Variants in FBXW4 observed in about 807,000 individuals in gnomAD.
FBXW4 encodes the protein F-box/WD repeat-containing protein 4.
FBXW4 carries 40 observed loss-of-function variants against 61.8 expected under a neutral mutation model. The ratio of observed to expected loss-of-function variants is 0.65; its 90% CI spans 0.50 to 0.84. The LOEUF (loss-of-function observed/expected upper bound fraction) is 0.84, where lower values mean the gene tolerates loss of function less well. FBXW4 is among the 40% of genes least tolerant of loss of function. The pLI is 0.00. For missense variants in FBXW4, 672 were observed against 753.8 expected, an observed-to-expected ratio of 0.89 and a Z score of 1.27; for synonymous variants, 311 against 313.8, an observed-to-expected ratio of 0.99 and a Z score of 0.10.
chr10:101,641,635 A>AC (rs1353940524), intron 5 of FBXW4, among the ~76,000 whole-genome samples: 32 of 24,096 alleles, frequency 1.3e-3, no homozygotes, highest in South Asian at 2.5e-3. Flanking sequence ...TTTTCTCAAA[A>AC]AAAAACAAAA....
rs555690190 is a variant in FBXW4 at position 101,665,218 on chromosome 10, G to A, written c.1235+2668C>T. Among the ~76,000 whole-genome samples, 109 of 152,180 alleles carry A rather than the reference G, an allele frequency of 7.2e-4. 1 individual carries two copies. In the Middle Eastern group the frequency reaches 0.01, roughly 14 times the overall value. On this transcript the variant is annotated intron_variant, in intron 5 of 8. Transcript: ENST00000331272. ...GAGAAAAAGAGGCAGAGATAACACCGGCATACACTCTGGTCATCTAGTGTA... is the reference window on the plus strand; with the variant it reads ...GAGAAAAAGAGGCAGAGATAACACCAGCATACACTCTGGTCATCTAGTGTA...
chr10:101,675,510 C>A (rs569017251), intron 2 of FBXW4, among the ~76,000 whole-genome samples: 2 of 152,274 alleles, frequency 1.3e-5, no homozygotes, highest in East Asian at 3.9e-4. Context: ...CCTGTAGTTT[C>A]TTTACCATCA....
At chr10:101,629,727 G>A (rs561694337) in intron 5 of FBXW4, among the ~76,000 whole-genome samples, 12 of 151,682 alleles carry the variant, frequency 7.9e-5, no homozygotes, top group Admixed American at 5.3e-4. Flanking sequence ...ACCACCCCTC[G>A]CCCAGAAGTT....
chr10:101,690,317 G>A (rs1386987323), intron 1 of FBXW4, among the ~76,000 whole-genome samples: 1 of 151,836 alleles, frequency 6.6e-6, no homozygotes, highest in Non-Finnish European at 1.5e-5. Flanking sequence ...TACTCTTTAG[G>A]GAAAATTTGA....
intron 5 of FBXW4, among the ~76,000 whole-genome samples, chr10:101,652,268 G>A (rs2064151611): frequency 6.6e-6 from 1 of 151,798 alleles, no homozygotes; most frequent in Non-Finnish European, 1.5e-5. Context: ...AGCAAGCCCT[G>A]AACCTGAGCA....
intron 5 of FBXW4, among the ~76,000 whole-genome samples, chr10:101,632,375 A>G (rs879673184): frequency 1.3e-5 from 2 of 152,156 alleles, no homozygotes; most frequent in African/African-American, 2.4e-5. Flanking sequence ...GGGCCAGCAA[A>G]GCAGGGTTTC....
At chr10:101,629,946 C>T (rs1258120593) in intron 5 of FBXW4, among the ~76,000 whole-genome samples, 1 of 152,214 alleles carries the variant, frequency 6.6e-6, no homozygotes, top group Non-Finnish European at 1.5e-5. Flanking sequence ...CAGCTGTGCC[C>T]CGTGGCTGGC....
chr10:101,649,727 G>A (rs1174834710), intron 5 of FBXW4, among the ~76,000 whole-genome samples: 1 of 152,226 alleles, frequency 6.6e-6, no homozygotes, highest in Admixed American at 6.5e-5. Context: ...CAGCACAGAG[G>A]AGCCCCTGTG....
At chr10:101,658,464 G>A (rs886992305) in intron 5 of FBXW4, among the ~76,000 whole-genome samples, 2 of 152,184 alleles carry the variant, frequency 1.3e-5, no homozygotes, top group Non-Finnish European at 2.9e-5. Context: ...ACAATTGCTT[G>A]AACCCAGGAG....
chr10:101,655,495 C>T (rs1295888503), intron 5 of FBXW4, among the ~76,000 whole-genome samples: 1 of 152,184 alleles, frequency 6.6e-6, no homozygotes, highest in African/African-American at 2.4e-5. Context: ...AAGGCATTAA[C>T]ACATGTGTGT....
At chr10:101,662,367 C>T (rs890706906) in intron 5 of FBXW4, among the ~76,000 whole-genome samples, 2 of 152,150 alleles carry the variant, frequency 1.3e-5, no homozygotes, top group African/African-American at 4.8e-5. Flanking sequence ...GCAGCTCCTC[C>T]ATCAAAACCC....
chr10:101,656,757 A>G (rs879938193), intron 5 of FBXW4, among the ~76,000 whole-genome samples: 7 of 152,214 alleles, frequency 4.6e-5, no homozygotes, highest in East Asian at 1.9e-4. Flanking sequence ...ACACAAGTAC[A>G]TGGAAAACAT....
chr10:101,665,359 A>C (rs1004905061), intron 5 of FBXW4, among the ~76,000 whole-genome samples: 5 of 152,140 alleles, frequency 3.3e-5, no homozygotes, highest in Non-Finnish European at 7.3e-5. Context: ...TGAAAGAATC[A>C]TCCCAAGGCT....
At position 101,611,801 on chromosome 10, in the gene FBXW4, T is replaced by G. The variant is rs2063788748; in HGVS notation, c.1443-32A>C. 5.0e-6 allele frequency: 8 copies of G among 1,602,418 alleles called. No homozygotes were observed. The highest frequency in any genetic ancestry group is 2.7e-5 in the African/African-American group (2 of 74,732). ...AGGAAGAGGAGAAGCAGAGGGAGGT[T>G]TAGGGTACCCTCCACCTCTACCCCA... is the stretch of plus-strand genomic sequence containing the variant. On this transcript the variant is annotated intron_variant, in intron 7 of 8. Transcript: ENST00000331272. The surrounding 1 kb of genome is among the most constrained non-coding windows in gnomAD (Gnocchi z 4.9).
rs540055383 is a variant in FBXW4, at chr10:101,673,684, G to T, written c.822-11C>A. On this transcript the variant is annotated splice_polypyrimidine_tract_variant and intron_variant, in intron 2 of 8. Coordinates refer to ENST00000331272, the MANE Select transcript of FBXW4 (RefSeq NM_022039.4). The stretch of plus-strand genomic sequence containing the variant: ...ATCCAGGGCATCTGACTGAAATGAT[G>T]GAAAAGAAAATTTAAAAGTCATCAA... 5 of 1,607,592 alleles carry T rather than the reference G, an allele frequency of 3.1e-6. No individual in the cohort carries two copies. The Admixed American group carries it at 8.4e-5, about 27-fold the overall frequency.
chr10:101,693,440 CACAA>C (rs2064633267), intron 1 of FBXW4, among the ~76,000 whole-genome samples: 1 of 152,166 alleles, frequency 6.6e-6, no homozygotes, highest in African/African-American at 2.4e-5. Context: ...TGCGACAGCC[CACAA>C]ACATTTACTA....
intron 1 of FBXW4, among the ~76,000 whole-genome samples, chr10:101,688,436 C>T (rs1023385314): frequency 6.6e-6 from 1 of 152,142 alleles, no homozygotes. Context: ...CCCAGACTTC[C>T]AGGGAGGGCA....
At position 101,673,766 on chromosome 10, in the gene FBXW4, A is replaced by G. The variant is rs973454876; in HGVS notation, c.822-93T>C. On this transcript the variant is annotated intron_variant, in intron 2 of 8. Transcript: ENST00000331272. ...GAAGAAGCTGACCAATCCCCAACTT[A>G]GTAAGGATAACCAACAAGGCTTATT... The G allele has an allele frequency of 2.9e-5, 35 of 1,209,086 alleles. No individual in the cohort carries two copies. The Admixed American group carries it at 7.6e-4, about 26-fold the overall frequency. The allele number at this position is 1,209,086 out of a possible 1,614,324, so 74.9% of individuals were successfully genotyped here.
intron 5 of FBXW4, among the ~76,000 whole-genome samples, chr10:101,634,924 A>G (rs1344221247): frequency 2.0e-5 from 3 of 149,478 alleles, no homozygotes; most frequent in Non-Finnish European, 4.5e-5. Flanking sequence ...ACAACAGAAG[A>G]CATCAAAAAC....
Sources: gnomAD v4.1 joint callset for allele counts (sites outside exome capture counted in the v4.1 genomes callset) on GRCh38, gnomAD v4.1.1 for gene constraint, Gnocchi (gnomAD v3.1) non-coding constraint, MANE v1.5 for transcripts, NCBI Gene and HGNC (gene_info 2026-07-23, HGNC 2026-07-21) for gene names.